NAT2: variants seen among roughly 807,000 people sequenced by gnomAD.
NAT2 encodes the protein N-acetyltransferase 2.
For missense variants in NAT2, 428 were observed against 339.1 expected, an observed-to-expected ratio of 1.26 and a Z score of -2.06; for synonymous variants, 137 against 125.9, an observed-to-expected ratio of 1.09 and a Z score of -0.59.
Position 18,400,224 on chromosome 8 carries a change from T to C in NAT2, c.221T>C (p.Leu74Pro), listed in dbSNP as rs1563250114. The C allele has an allele frequency of 1.2e-6, 2 of 1,612,466 alleles. No individual in the cohort carries two copies. Among genetic ancestry groups the C allele is most frequent in the Non-Finnish European group, 1.7e-6 (2 of 1,178,944 alleles). ...GGGTGGTGTCTCCAGGTCAATCAAC[T>C]TCTGTACTGGGCTCTGACCACAATC... is the stretch of plus-strand genomic sequence containing the variant. ...RGGWCLQVNQ[L>P]LYWALTTIGF... Residue 74 changes from leucine to proline, a missense_variant, in exon 2 of 2, where the codon CTT becomes CCT. By Grantham distance (98) the Leu-to-Pro change is moderately conservative (BLOSUM62 -3). Transcript: ENST00000286479.
intron 1 of NAT2, among the ~76,000 whole-genome samples, chr8:18,394,486 T>G (rs1416402075): frequency 6.6e-6 from 1 of 152,208 alleles, no homozygotes; most frequent in Non-Finnish European, 1.5e-5. Flanking sequence ...GAACATTCTT[T>G]TTTGTAAAGA....
chr8:18,386,379 T>C (rs1334473360), upstream of NAT2, among the ~76,000 whole-genome samples: 2 of 152,148 alleles, frequency 1.3e-5, no homozygotes, highest in African/African-American at 2.4e-5. Flanking sequence ...CTTACATCCA[T>C]GATCTGGAAA....
At chr8:18,398,619 A>G (rs1585138065) in intron 1 of NAT2, among the ~76,000 whole-genome samples, 1 of 152,188 alleles carries the variant, frequency 6.6e-6, no homozygotes, top group South Asian at 2.1e-4. Context: ...AAACCATGAA[A>G]CTTCCTATGC....
upstream of NAT2, chr8:18,391,192 T>C (rs1264026241): frequency 6.6e-6 from 1 of 152,170 alleles, no homozygotes; most frequent in East Asian, 1.9e-4. Flanking sequence ...TTCCCAGAGA[T>C]CCCTGAGGTG....
At chr8:18,386,807 C>G (rs972736297), upstream of NAT2, among the ~76,000 whole-genome samples, 2 of 151,854 alleles carry the variant, frequency 1.3e-5, no homozygotes, top group Non-Finnish European at 2.9e-5. Flanking sequence ...AGGGCCGGAT[C>G]TGGTTCACTC....
chr8:18,390,937 T>C (rs1308375881), upstream of NAT2, among the ~76,000 whole-genome samples: 3 of 152,152 alleles, frequency 2.0e-5, no homozygotes, highest in Admixed American at 2.0e-4. Flanking sequence ...CATCTTCCTC[T>C]TCTGCCGCTT....
At chr8:18,386,922 T>C (rs1301486309), upstream of NAT2, among the ~76,000 whole-genome samples, 1 of 152,220 alleles carries the variant, frequency 6.6e-6, no homozygotes, top group Admixed American at 6.5e-5. Flanking sequence ...TGAGCAAGAC[T>C]GTGTCCCTTT....
At position 18,400,520 on chromosome 8, in the gene NAT2, A is replaced by C. The variant is rs1010029101; in HGVS notation, c.517A>C (p.Lys173Gln). The change falls in exon 2 of 2, where the codon AAA (lysine) becomes CAA (glutamine). Residue 173 changes from lysine (K) to glutamine (Q), a missense_variant. Physicochemically the swap from Lys to Gln is moderately conservative, Grantham distance 53. Transcript: ENST00000286479. ...CAGGAGAGAGCAGTATATTACAAAC[A>C]AAGAATTTCTTAATTCTCATCTCCT... ...QIRREQYITN[K>Q]EFLNSHLLPK... 3.7e-5 allele frequency: 60 copies of C among 1,613,182 alleles called. No homozygotes were observed. The highest frequency in any genetic ancestry group is 5.0e-5 in the Non-Finnish European group (59 of 1,179,808).
intron 1 of NAT2, among the ~76,000 whole-genome samples, chr8:18,398,091 G>A (rs764219902): frequency 2.6e-5 from 4 of 152,194 alleles, no homozygotes; most frequent in Non-Finnish European, 5.9e-5. Flanking sequence ...TGTTTGGAGT[G>A]TGTATGCTGG....
chr8:18,397,829 C>G (rs1115783), intron 1 of NAT2, among the ~76,000 whole-genome samples: 150,418 of 152,302 alleles, frequency 0.99, 74,309 homozygotes, highest in East Asian at 1. Context: ...TAGCTGAGAT[C>G]TTAACTCTCT....
intron 1 of NAT2, among the ~76,000 whole-genome samples, chr8:18,391,558 C>A (rs375357064): frequency 4.6e-5 from 7 of 151,586 alleles, no homozygotes; most frequent in African/African-American, 1.5e-4. Context: ...GCACAACTGA[C>A]CAGCATTAAC....
rs1800588846 is a variant in NAT2 at position 18,391,357 on chromosome 8, T to G, written c.-7+12T>G. Reference sequence around the variant, plus strand: ...GGTTGCTGGCCAAAGTAAGTAGAACTTTGTAAGTAATTTGCAGTGTACTTT... The same window carrying G: ...GGTTGCTGGCCAAAGTAAGTAGAACGTTGTAAGTAATTTGCAGTGTACTTT... On this transcript the variant is annotated intron_variant, in intron 1 of 1. Coordinates refer to ENST00000286479, the MANE Select transcript of NAT2 (RefSeq NM_000015.3). 1 of 151,966 alleles carries G rather than the reference T, an allele frequency of 6.6e-6. No individual in the cohort carries two copies. The allele number at this position is 151,966 out of a possible 1,614,324, so 9.4% of individuals were successfully genotyped here.
intron 1 of NAT2, among the ~76,000 whole-genome samples, chr8:18,394,703 G>A (rs1011108170): frequency 6.6e-6 from 1 of 152,284 alleles, no homozygotes; most frequent in East Asian, 1.9e-4. Context: ...TAGACAAGCT[G>A]TGAGGCCAGT....
At chr8:18,389,541 T>A (rs940444701), upstream of NAT2, among the ~76,000 whole-genome samples, 1 of 152,228 alleles carries the variant, frequency 6.6e-6, no homozygotes, top group East Asian at 1.9e-4. Context: ...AGCTATCATC[T>A]TAGATACACA....
chr8:18,395,984 G>T (rs1273134172), intron 1 of NAT2, among the ~76,000 whole-genome samples: 4 of 134,248 alleles, frequency 3.0e-5, no homozygotes, highest in Non-Finnish European at 4.7e-5. Flanking sequence ...TTTCTCAAAA[G>T]GTAAGCAAAA....
upstream of NAT2, among the ~76,000 whole-genome samples, chr8:18,390,265 T>G (rs1585134528): frequency 1.3e-5 from 2 of 152,152 alleles, no homozygotes; most frequent in Non-Finnish European, 2.9e-5. Flanking sequence ...AAGGCAACAA[T>G]TACATCATGA....
At chr8:18,393,253 T>TA (rs1166691723) in intron 1 of NAT2, among the ~76,000 whole-genome samples, 1 of 152,104 alleles carries the variant, frequency 6.6e-6, no homozygotes, top group Non-Finnish European at 1.5e-5. Flanking sequence ...GAGACAGTCA[T>TA]AGCAGTGGAA....
At chr8:18,388,030 T>C (rs1040530264), upstream of NAT2, among the ~76,000 whole-genome samples, 3 of 152,218 alleles carry the variant, frequency 2.0e-5, no homozygotes, top group Admixed American at 6.5e-5. Flanking sequence ...TCTGGACTTA[T>C]ATCACAATGG....
Position 18,400,680 on chromosome 8 carries a change from A to T in NAT2, c.677A>T (p.Gln226Leu). 6.2e-7 allele frequency: 1 copy of T among 1,614,006 alleles called. No individual in the cohort carries two copies. Among genetic ancestry groups the T allele is most frequent in the South Asian group, 1.1e-5 (1 of 91,078 alleles). ...SFITTSFCSL[Q>L]TPEGVYCLVG... ...ATAACCACATCATTTTGTTCCTTGC[A>T]GACCCCAGAAGGGGTTTACTGTTTG... The change falls in exon 2 of 2, where the codon CAG (glutamine) becomes CTG (leucine). Residue 226 changes from glutamine (Q) to leucine (L), a missense_variant. Physicochemically the swap from Gln to Leu is moderately radical, Grantham distance 113 (BLOSUM62 -2). Transcript: ENST00000286479.
Sources: gnomAD v4.1 joint callset for allele counts (sites outside exome capture counted in the v4.1 genomes callset) on GRCh38, gnomAD v4.1.1 for gene constraint, MANE v1.5 for transcripts, NCBI Gene and HGNC (gene_info 2026-07-23, HGNC 2026-07-21) for gene names.